The following EYA4 variants were observed in gnomAD, a reference collection of about 807,000 sequenced individuals.
The protein encoded by EYA4 is protein phosphatase EYA4.
Under a neutral mutation model 87.9 loss-of-function variants are expected in EYA4, and 31 were observed. The ratio of observed to expected loss-of-function variants is 0.35; its 90% CI spans 0.27 to 0.48. EYA4 has a LOEUF of 0.48. Ranked by LOEUF, EYA4 falls within the 20% of genes least tolerant of loss-of-function variation. EYA4 has a pLI of 0.99. For synonymous variants in EYA4, 263 were observed against 270.6 expected (o/e 0.97, Z 0.28); for missense variants, 678 against 761.4 (o/e 0.89, Z 1.29).
chr6:133,294,062 T>TATATATATATATATATAAAA lies in EYA4; in HGVS notation c.33+19250_33+19251insTATATATATATATATAAAAA, dbSNP rs71003632. Among the ~76,000 whole-genome samples the TATATATATATATATATAAAA allele has an allele frequency of 4.6e-3, 478 of 104,992 alleles. 19 individuals carry two copies. The highest frequency in any genetic ancestry group is 0.011 in the Middle Eastern group (2 of 190). The allele number at this position is 104,992 out of a possible 152,430, so 68.9% of individuals were successfully genotyped here. On this transcript the variant is annotated intron_variant, in intron 2 of 19. Coordinates refer to ENST00000355286, the MANE Select transcript of EYA4 (RefSeq NM_004100.5). ...ATATATATATATATATATATATATA[T>TATATATATATATATATAAAA]AATTCTATTCTATATATAACATTCT...
chr6:133,299,939 C>CTATATATATA (rs201050418), intron 2 of EYA4, among the ~76,000 whole-genome samples: 35 of 134,696 alleles, frequency 2.6e-4, no homozygotes, highest in Non-Finnish European at 3.6e-4. Flanking sequence ...ATCTATCTAT[C>CTATATATATA]TATCTATCTA....
chr6:133,391,829 G>T (rs535710655), intron 3 of EYA4, among the ~76,000 whole-genome samples: 44 of 152,206 alleles, frequency 2.9e-4, no homozygotes, highest in Non-Finnish European at 4.9e-4. Context: ...TCCCTTCCCA[G>T]GACATTTTTA....
intron 1 of EYA4, among the ~76,000 whole-genome samples, chr6:133,254,648 C>T (rs191059332): frequency 9.5e-4 from 145 of 152,220 alleles, no homozygotes; most frequent in Non-Finnish European, 1.8e-3. Context: ...TTGTATGAGT[C>T]ATTTTTTAGC....
chr6:133,519,947 C>T (rs1039500278), intron 17 of EYA4, among the ~76,000 whole-genome samples: 3 of 151,832 alleles, frequency 2.0e-5, no homozygotes, highest in East Asian at 1.9e-4. Context: ...ATTCAACAAC[C>T]CTTCATGCTA....
chr6:133,478,864 A>G (rs1385208223), intron 11 of EYA4, among the ~76,000 whole-genome samples: 1 of 152,158 alleles, frequency 6.6e-6, no homozygotes, highest in Admixed American at 6.6e-5. Flanking sequence ...TCATTTGAAT[A>G]GCAGAATTAT....
chr6:133,258,606 GT>G (rs1775542525), intron 1 of EYA4, among the ~76,000 whole-genome samples: 1 of 152,112 alleles, frequency 6.6e-6, no homozygotes, highest in African/African-American at 2.4e-5. Context: ...TCTATAGAGA[GT>G]TTAGTGGGCA....
chr6:133,315,219 A>G lies in EYA4; in HGVS notation c.33+40406A>G, dbSNP rs144282329. On this transcript the variant is annotated intron_variant, in intron 2 of 19. Coordinates refer to ENST00000355286, the MANE Select transcript of EYA4 (RefSeq NM_004100.5). ...TCTTGGCCTGCACAGCTGTGTAGTC[A>G]GGGGAGGCTGCAGATATTATTCAGG... is the stretch of plus-strand genomic sequence containing the variant. Among the ~76,000 whole-genome samples the G allele has an allele frequency of 6.6e-3, 1,001 of 152,148 alleles. 9 individuals carry two copies. Among genetic ancestry groups the G allele is most frequent in the African/African-American group, 0.022 (898 of 41,520 alleles).
At chr6:133,438,423 T>C (rs1335197271) in intron 3 of EYA4, among the ~76,000 whole-genome samples, 1 of 148,224 alleles carries the variant, frequency 6.7e-6, no homozygotes. Flanking sequence ...GTCGTCCAGA[T>C]TGGCTATGAG....
chr6:133,469,388 T>A (rs1795133992), intron 11 of EYA4, among the ~76,000 whole-genome samples: 1 of 152,012 alleles, frequency 6.6e-6, no homozygotes, highest in South Asian at 2.1e-4. Flanking sequence ...GGTGGATGAA[T>A]TAGAATAGTC....
chr6:133,524,955 A>T, intron 18 of EYA4, 199 bp from the exon 19 acceptor site: 1 of 1,404,792 alleles, frequency 7.1e-7, no homozygotes, highest in Non-Finnish European at 1.0e-6. Flanking sequence ...TTAACACTTT[A>T]TGAATCTTTA....
intron 2 of EYA4, among the ~76,000 whole-genome samples, chr6:133,290,645 G>A (rs371493260): frequency 2.6e-5 from 4 of 152,196 alleles, no homozygotes; most frequent in Non-Finnish European, 2.9e-5. Flanking sequence ...TCTCCTTTTC[G>A]TATTGCCATG....
At position 133,494,624 on chromosome 6, in the gene EYA4, G is replaced by A. The variant is rs538065846; in HGVS notation, c.1192-11482G>A. Among the ~76,000 whole-genome samples, 5 of 150,590 alleles carry A rather than the reference G, an allele frequency of 3.3e-5. No individual in the cohort carries two copies. The South Asian group carries it at 1.1e-3, about 32-fold the overall frequency. ...GAGGTGACGCAGGAGAATCACTTGA[G>A]GCCAGGAGTTGGAGATTAGCCTGGA... On this transcript the variant is annotated intron_variant, in intron 13 of 19. Transcript: ENST00000355286.
At chr6:133,305,472 C>A (rs571440172) in intron 2 of EYA4, among the ~76,000 whole-genome samples, 1 of 152,082 alleles carries the variant, frequency 6.6e-6, no homozygotes, top group Non-Finnish European at 1.5e-5. Context: ...TCATATTTAC[C>A]GTGTGCCTGC....
At chr6:133,461,210 T>G in intron 7 of EYA4, 30 bp downstream of exon 7, 1 of 1,463,348 alleles carries the variant, frequency 6.8e-7, no homozygotes, top group Non-Finnish European at 9.6e-7. Context: ...TTGCTTTAAA[T>G]TGGCAAACAT....
intron 19 of EYA4, among the ~76,000 whole-genome samples, chr6:133,525,707 A>T (rs755231250): frequency 6.6e-6 from 1 of 152,188 alleles, no homozygotes; most frequent in Non-Finnish European, 1.5e-5. Context: ...TCCATACAAA[A>T]GTCATGTGAG....
intron 2 of EYA4, among the ~76,000 whole-genome samples, chr6:133,342,286 G>A (rs1464868121): frequency 1.3e-5 from 2 of 149,668 alleles, no homozygotes; most frequent in African/African-American, 4.9e-5. Flanking sequence ...TAGATTCAAG[G>A]ATGTGTCCAG....
chr6:133,445,208 G>A (rs2128619466), intron 3 of EYA4, among the ~76,000 whole-genome samples: 1 of 152,064 alleles, frequency 6.6e-6, no homozygotes. Context: ...AAAGAACCTT[G>A]AAAAATATAA....
intron 2 of EYA4, among the ~76,000 whole-genome samples, chr6:133,352,270 G>A (rs1333537987): frequency 6.6e-6 from 1 of 152,136 alleles, no homozygotes; most frequent in Non-Finnish European, 1.5e-5. Flanking sequence ...TGATTTGGTT[G>A]CAACTGATAA....
chr6:133,358,450 A>G (rs1784229372), intron 2 of EYA4, among the ~76,000 whole-genome samples: 2 of 152,218 alleles, frequency 1.3e-5, no homozygotes. Context: ...ATGCATCTAT[A>G]AAGTCATACT....
Sources: allele counts gnomAD v4.1 joint callset (sites outside exome capture counted in the v4.1 genomes callset), GRCh38; gene constraint gnomAD v4.1.1; transcripts MANE v1.5; gene names NCBI Gene and HGNC (gene_info 2026-07-23, HGNC 2026-07-21).